DCLK2: variants seen among roughly 807,000 people sequenced by gnomAD.
The protein encoded by DCLK2 is serine/threonine-protein kinase DCLK2.
A neutral mutation model predicts 78.4 loss-of-function variants in DCLK2; 31 were observed. That is an observed-to-expected ratio of 0.40 (90% CI 0.30 to 0.53). The LOEUF (loss-of-function observed/expected upper bound fraction) is 0.53. DCLK2 is among the 20% of genes least tolerant of loss of function. The probability of loss-of-function intolerance (pLI) is 0.61; values close to 1 mark genes in which losing one functional copy is unlikely to be tolerated. For missense variants in DCLK2, 872 were observed against 973.7 expected, an observed-to-expected ratio of 0.90 and a Z score of 1.39; for synonymous variants, 407 against 374.9, an observed-to-expected ratio of 1.09 and a Z score of -0.99.
intron 10 of DCLK2, among the ~76,000 whole-genome samples, chr4:150,236,426 C>T (rs1167939421): frequency 3.9e-5 from 6 of 152,186 alleles, no homozygotes; most frequent in African/African-American, 7.2e-5. Context: ...GCCTCAGTCT[C>T]CTCGTTTGTA....
intron 4 of DCLK2, 118 bp from the exon 5 acceptor site, chr4:150,203,677 C>A: frequency 1.5e-6 from 1 of 654,464 alleles, no homozygotes. Flanking sequence ...CTGCTTTGAG[C>A]TGAAAACGAG....
At chr4:150,185,541 C>T (rs1453767480) in intron 2 of DCLK2, among the ~76,000 whole-genome samples, 3 of 151,906 alleles carry the variant, frequency 2.0e-5, no homozygotes, top group Non-Finnish European at 4.4e-5. Flanking sequence ...TGGCAAAACC[C>T]CACCTCTACT....
intron 2 of DCLK2, among the ~76,000 whole-genome samples, chr4:150,190,841 C>T (rs897746484): frequency 6.6e-6 from 1 of 152,104 alleles, no homozygotes; most frequent in African/African-American, 2.4e-5. Context: ...AACAAAACAC[C>T]AGCAGTTTGG....
chr4:150,088,594 C>T (rs947092868), intron 1 of DCLK2, among the ~76,000 whole-genome samples: 8 of 152,136 alleles, frequency 5.3e-5, no homozygotes, highest in Non-Finnish European at 1.0e-4. Context: ...AAAGCCATTA[C>T]ACCCTTCAGA....
At position 150,238,522 on chromosome 4, in the gene DCLK2, C is replaced by A. The variant is rs189433321; in HGVS notation, c.1567-1220C>A. 8.6e-3 allele frequency among the ~76,000 whole-genome samples: 1,314 copies of A among 152,276 alleles called. 79 individuals are homozygous for A. The highest frequency in any genetic ancestry group is 2.2e-3 in the Non-Finnish European group (147 of 68,020). ...TTGCTGAATGCTTTCTAGAAAGGTTCTTTAAGCATAAATAGTCACGTCTCC... is the reference window on the plus strand; with the variant it reads ...TTGCTGAATGCTTTCTAGAAAGGTTATTTAAGCATAAATAGTCACGTCTCC... On this transcript the variant is annotated intron_variant, in intron 10 of 15. Transcript: ENST00000296550.
At chr4:150,092,666 A>G (rs1430452546) in intron 1 of DCLK2, among the ~76,000 whole-genome samples, 2 of 152,062 alleles carry the variant, frequency 1.3e-5, no homozygotes, top group African/African-American at 4.8e-5. Context: ...TATTTCTTAT[A>G]CTTTTTGAAT....
At chr4:150,124,496 C>T (rs1010978889) in intron 2 of DCLK2, among the ~76,000 whole-genome samples, 1 of 152,132 alleles carries the variant, frequency 6.6e-6, no homozygotes, top group Non-Finnish European at 1.5e-5. Context: ...AGTATCTGTG[C>T]ATCAGTGCAT....
chr4:150,146,090 A>G (rs1734448432), intron 2 of DCLK2, among the ~76,000 whole-genome samples: 1 of 152,148 alleles, frequency 6.6e-6, no homozygotes, highest in Admixed American at 6.6e-5. Flanking sequence ...ATTTCCTGCC[A>G]TTGGTGATAT....
intron 2 of DCLK2, among the ~76,000 whole-genome samples, chr4:150,103,787 C>A (rs1314940474): frequency 1.3e-5 from 2 of 152,010 alleles, no homozygotes; most frequent in Non-Finnish European, 2.9e-5. Flanking sequence ...GAAACATTAG[C>A]AATTTTTTAA....
chr4:150,167,054 G>A (rs915951288), intron 2 of DCLK2, among the ~76,000 whole-genome samples: 3 of 152,164 alleles, frequency 2.0e-5, no homozygotes, highest in Non-Finnish European at 2.9e-5. Context: ...TGGGGTCGAG[G>A]TAATTCTCTT....
At chr4:150,093,949 T>C (rs1419390435) in intron 1 of DCLK2, among the ~76,000 whole-genome samples, 2 of 152,128 alleles carry the variant, frequency 1.3e-5, no homozygotes, top group Non-Finnish European at 2.9e-5. Flanking sequence ...TTGCCAAGAA[T>C]ACACAATGGG....
chr4:150,241,080 G>A (rs982696964), intron 12 of DCLK2, among the ~76,000 whole-genome samples: 3 of 152,170 alleles, frequency 2.0e-5, no homozygotes, highest in African/African-American at 4.8e-5. Flanking sequence ...ACTCAATTAG[G>A]CAGCAGTTTT....
intron 1 of DCLK2, among the ~76,000 whole-genome samples, chr4:150,095,765 T>C (rs1730413994): frequency 6.6e-6 from 1 of 152,216 alleles, no homozygotes; most frequent in African/African-American, 2.4e-5. Flanking sequence ...GTATGAAGGT[T>C]CCTATTGCTT....
intron 10 of DCLK2, among the ~76,000 whole-genome samples, chr4:150,237,062 A>G (rs1344842465): frequency 3.3e-5 from 5 of 151,328 alleles, no homozygotes; most frequent in Non-Finnish European, 7.4e-5. Context: ...CCTAATGAGT[A>G]TATTTTTAAG....
chr4:150,079,859 C>T (rs1729120116), intron 1 of DCLK2, among the ~76,000 whole-genome samples: 1 of 152,170 alleles, frequency 6.6e-6, no homozygotes, highest in Non-Finnish European at 1.5e-5. Context: ...TTCCAGTATT[C>T]GGGGTCCTGT....
At chr4:150,094,778 C>G (rs1305515145) in intron 1 of DCLK2, among the ~76,000 whole-genome samples, 2 of 152,182 alleles carry the variant, frequency 1.3e-5, no homozygotes, top group African/African-American at 4.8e-5. Context: ...AGGTCCTGTA[C>G]TAGGTGTTGG....
rs1740187638 is a variant in DCLK2, at chr4:150,210,244, G to A, written c.1056+6355G>A. ...TTGAGATTGATTAAATATGGAGAAA[G>A]CAGTTAGGGTAGCCTTGTTATTCTT... On this transcript the variant is annotated intron_variant, in intron 5 of 15. Transcript: ENST00000296550. Among the ~76,000 whole-genome samples the A allele has an allele frequency of 2.0e-5, 3 of 152,188 alleles. No individual in the cohort carries two copies. The South Asian group carries it at 6.2e-4, about 31-fold the overall frequency.
chr4:150,107,583 C>T (rs755375136), intron 2 of DCLK2, among the ~76,000 whole-genome samples: 5 of 151,706 alleles, frequency 3.3e-5, no homozygotes, highest in Non-Finnish European at 5.9e-5. Flanking sequence ...CCTGTGTTTC[C>T]CAGGCTGGTC....
chr4:150,103,991 ATAAAT>A (rs1560774797), intron 2 of DCLK2, among the ~76,000 whole-genome samples: 1 of 152,150 alleles, frequency 6.6e-6, no homozygotes, highest in East Asian at 1.9e-4. Flanking sequence ...GTAAGGAAAA[ATAAAT>A]TAGGCTACAG....
Sources: allele counts gnomAD v4.1 joint callset (sites outside exome capture counted in the v4.1 genomes callset), GRCh38; gene constraint gnomAD v4.1.1; transcripts MANE v1.5; gene names NCBI Gene and HGNC (gene_info 2026-07-23, HGNC 2026-07-21).